Variants in PTK2 observed in about 807,000 individuals in gnomAD.
PTK2 encodes the protein focal adhesion kinase 1.
Under a neutral mutation model 150.1 loss-of-function variants are expected in PTK2, and 45 were observed. The observed-to-expected ratio is 0.30, with a 90% confidence interval of 0.24 to 0.38. The LOEUF (loss-of-function observed/expected upper bound fraction) is 0.38. PTK2 is among the 10% of genes least tolerant of loss of function. The pLI is 1.00. For missense variants in PTK2, 919 were observed against 1,307.3 expected, an observed-to-expected ratio of 0.70 and a Z score of 4.58; for synonymous variants, 432 against 449.2, an observed-to-expected ratio of 0.96 and a Z score of 0.48.
intron 1 of PTK2, among the ~76,000 whole-genome samples, chr8:140,997,054 A>T (rs1253661331): frequency 6.6e-6 from 1 of 152,234 alleles, no homozygotes; most frequent in Non-Finnish European, 1.5e-5. Context: ...CATTATGAAC[A>T]GGAGTTTGGA....
At chr8:140,873,230 T>C (rs1348200860) in intron 4 of PTK2, among the ~76,000 whole-genome samples, 1 of 152,178 alleles carries the variant, frequency 6.6e-6, no homozygotes, top group African/African-American at 2.4e-5. Context: ...TAAAACATTC[T>C]CCCTAGCAGT....
intron 2 of PTK2, among the ~76,000 whole-genome samples, chr8:140,908,813 C>T (rs2100161974): frequency 6.6e-6 from 1 of 152,136 alleles, no homozygotes; most frequent in Non-Finnish European, 1.5e-5. Context: ...TGCCAGGATT[C>T]CAGAAGCCAA....
At chr8:140,833,614 C>A (rs1005901032) in intron 7 of PTK2, among the ~76,000 whole-genome samples, 6 of 152,152 alleles carry the variant, frequency 3.9e-5, no homozygotes, top group African/African-American at 1.4e-4. Flanking sequence ...AGTAGTTTTG[C>A]CTCAAGTGGC....
At chr8:140,661,165 ATTT>A (rs2079234071) in intron 31 of PTK2, among the ~76,000 whole-genome samples, 1 of 152,218 alleles carries the variant, frequency 6.6e-6, no homozygotes, top group Non-Finnish European at 1.5e-5. Flanking sequence ...GTTGATCTTT[ATTT>A]GGCAGGACTT....
chr8:140,735,213 G>A, intron 22 of PTK2, 38 bp downstream of exon 25: 8 of 1,572,438 alleles, frequency 5.1e-6, no homozygotes, highest in Non-Finnish European at 7.0e-6. Context: ...AGCATAATCT[G>A]CCCCCACCCC....
chr8:140,802,448 GA>G (rs1362190998), intron 11 of PTK2, among the ~76,000 whole-genome samples: 1 of 151,922 alleles, frequency 6.6e-6, no homozygotes, highest in Admixed American at 6.6e-5. Flanking sequence ...CAAAAAAGCC[GA>G]AAAAAATCAG....
intron 20 of PTK2, among the ~76,000 whole-genome samples, chr8:140,739,864 A>T (rs545687395): frequency 1.3e-5 from 2 of 152,302 alleles, no homozygotes; most frequent in East Asian, 3.9e-4. Flanking sequence ...CCTCAGCTGC[A>T]TATGTGGGTA....
intron 7 of PTK2, among the ~76,000 whole-genome samples, chr8:140,843,967 T>C (rs1355742187): frequency 6.6e-6 from 1 of 152,170 alleles, no homozygotes; most frequent in African/African-American, 2.4e-5. Context: ...CCTGTTTCTT[T>C]AGGCAACTCC....
chr8:140,673,020 T>C (rs1378307554), intron 29 of PTK2, among the ~76,000 whole-genome samples: 1 of 152,110 alleles, frequency 6.6e-6, no homozygotes, highest in African/African-American at 2.4e-5. Context: ...AGTCAATAAA[T>C]GGTGGTTATT....
At chr8:140,968,731 C>T (rs10087115) in intron 1 of PTK2, among the ~76,000 whole-genome samples, 63,498 of 152,112 alleles carry the variant, frequency 0.42, 15,177 homozygotes, top group Non-Finnish European at 0.55. Context: ...CAAGACAACT[C>T]TTCTATCATA....
At position 140,730,082 on chromosome 8, in the gene PTK2, T is replaced by A. The variant is rs114701026; in HGVS notation, c.2030+5169A>T. The stretch of plus-strand genomic sequence containing the variant: ...GATGGAGACTTGCTATCAATGCACA[T>A]GGTACTGGTTCTAAAAATATTCCTA... On this transcript the variant is annotated intron_variant, in intron 22 of 31. Coordinates refer to ENST00000522684, the Ensembl canonical transcript of PTK2. Among the ~76,000 whole-genome samples the A allele has an allele frequency of 3.8e-3, 573 of 152,338 alleles. 4 individuals are homozygous for A. The highest frequency in any genetic ancestry group is 0.013 in the African/African-American group (557 of 41,568).
intron 1 of PTK2, among the ~76,000 whole-genome samples, chr8:140,977,452 T>G (rs376656104): frequency 6.6e-6 from 1 of 151,992 alleles, no homozygotes; most frequent in East Asian, 1.9e-4. Flanking sequence ...TGAAACCCCA[T>G]CTCTACTAAA....
intron 2 of PTK2, among the ~76,000 whole-genome samples, chr8:140,912,314 A>G (rs2100163512): frequency 6.6e-6 from 1 of 151,964 alleles, no homozygotes; most frequent in Admixed American, 6.6e-5. Flanking sequence ...GGTTTATCTC[A>G]GCAATGCAGG....
At chr8:140,674,265 A>T in intron 29 of PTK2, 33 bp downstream of exon 32, 1 of 1,558,274 alleles carries the variant, frequency 6.4e-7, no homozygotes, top group Non-Finnish European at 8.8e-7. Flanking sequence ...AAATCCTGCA[A>T]GCAGAAGGTG....
chr8:140,830,988 T>C (rs1427061250), intron 7 of PTK2, among the ~76,000 whole-genome samples: 2 of 152,154 alleles, frequency 1.3e-5, no homozygotes, highest in African/African-American at 4.8e-5. Flanking sequence ...AGGTTTATCC[T>C]AAAAGTTGAC....
At position 140,780,499 on chromosome 8, in the gene PTK2, G is replaced by A. The variant is rs147154245; in HGVS notation, c.1177+8975C>T. Among the ~76,000 whole-genome samples the A allele has an allele frequency of 4.5e-3, 684 of 152,214 alleles. 4 individuals are homozygous for A. Among genetic ancestry groups the A allele is most frequent in the African/African-American group, 0.016 (647 of 41,520 alleles). ...GGCCAGAAAAGAATAGGTTAAACAA[G>A]ACAGCATCACAGAGATGTAATCAGC... On this transcript the variant is annotated intron_variant, in intron 14 of 31. Coordinates refer to ENST00000522684, the Ensembl canonical transcript of PTK2.
At chr8:140,913,207 G>A (rs566469116) in intron 2 of PTK2, among the ~76,000 whole-genome samples, 57 of 151,778 alleles carry the variant, frequency 3.8e-4, no homozygotes, top group Admixed American at 1.5e-3. Context: ...CAGATCACCA[G>A]AACTAATAAG....
At chr8:140,746,632 CATA>C in intron 18 of PTK2, 125 bp downstream of exon 21, 1 of 637,846 alleles carries the variant, frequency 1.6e-6, no homozygotes, top group Non-Finnish European at 2.6e-6. Flanking sequence ...GAACCAAAAC[CATA>C]ATGACATACA....
At chr8:140,852,298 G>C (rs2100129785) in intron 5 of PTK2, among the ~76,000 whole-genome samples, 1 of 152,226 alleles carries the variant, frequency 6.6e-6, no homozygotes, top group Non-Finnish European at 1.5e-5. Flanking sequence ...ATCAGTGCTT[G>C]CTAGAGTTAG....
Sources: gnomAD v4.1 joint callset for allele counts (sites outside exome capture counted in the v4.1 genomes callset) on GRCh38, gnomAD v4.1.1 for gene constraint, MANE v1.5 for transcripts, NCBI Gene and HGNC (gene_info 2026-07-23, HGNC 2026-07-21) for gene names.